Variants in IFT52 observed in about 807,000 individuals in gnomAD.
IFT52 encodes the protein intraflagellar transport 52, also known as intraflagellar transport protein 52 homolog.
IFT52 carries 44 observed loss-of-function variants against 54.4 expected under a neutral mutation model. That is an observed-to-expected ratio of 0.81 (90% CI 0.63 to 1.04). IFT52 has a LOEUF of 1.04. Among genes scored for constraint, IFT52 ranks in the 50% least tolerant of loss-of-function variants. The probability of loss-of-function intolerance (pLI) is 0.00; values close to 1 mark genes in which losing one functional copy is unlikely to be tolerated. For missense variants in IFT52, 452 were observed against 523.6 expected, an observed-to-expected ratio of 0.86 and a Z score of 1.33; for synonymous variants, 181 against 185.3, an observed-to-expected ratio of 0.98 and a Z score of 0.19.
intron 1 of IFT52, among the ~76,000 whole-genome samples, chr20:43,592,488 C>A (rs1981609025): frequency 6.6e-6 from 1 of 150,996 alleles, no homozygotes; most frequent in Non-Finnish European, 1.5e-5. Flanking sequence ...GCACGAGAAT[C>A]TCTTGAATCT....
intron 8 of IFT52, among the ~76,000 whole-genome samples, chr20:43,619,646 A>G (rs1984121133): frequency 6.6e-6 from 1 of 152,008 alleles, no homozygotes; most frequent in Non-Finnish European, 1.5e-5. Context: ...GTAGAGGACT[A>G]CTCACTGACT....
Position 43,603,843 on chromosome 20 carries a change from C to A in IFT52, c.291C>A (p.Thr97=), listed in dbSNP as rs1982644648. The change falls in exon 4 of 14, where the codon ACC becomes ACA. Residue 97 remains threonine, a synonymous_variant. Coordinates refer to ENST00000373030, the MANE Select transcript of IFT52 (RefSeq NM_016004.5). ...LGEGGESRFD[T]NINFLLEEYG... is the part of the protein sequence containing the mutation. ...AAGGTGGAGAATCCAGATTTGACAC[C>A]AATATTAACTTTTTACTAGAAGAAT... 6.5e-7 allele frequency: 1 copy of A among 1,547,662 alleles called. No homozygotes were observed. The highest frequency in any genetic ancestry group is 8.9e-7 in the Non-Finnish European group (1 of 1,123,348).
intron 9 of IFT52, 79 bp downstream of exon 9, chr20:43,621,004 A>C (rs1473683256): frequency 2.0e-6 from 2 of 993,194 alleles, no homozygotes; most frequent in African/African-American, 3.2e-5. Context: ...GCTCAAAAGG[A>C]ATACATGACT....
intron 6 of IFT52, among the ~76,000 whole-genome samples, chr20:43,612,827 C>T (rs978026029): frequency 1.3e-5 from 2 of 152,142 alleles, no homozygotes; most frequent in African/African-American, 4.8e-5. Flanking sequence ...TTCCCCTATA[C>T]CCCCTCCCCC....
In IFT52 at chr20:43,642,694, G is replaced by C. The variant is rs1986004455; in HGVS notation, c.1266+70G>C. ...CTGGTATCTTCCATGGACTGTGCTT[G>C]CCATGTTTTATGACGTTGATTCAGC... On this transcript the variant is annotated intron_variant, in intron 13 of 13. Coordinates refer to ENST00000373030, the MANE Select transcript of IFT52 (RefSeq NM_016004.5). 3.4e-6 allele frequency: 5 copies of C among 1,469,906 alleles called. No individual in the cohort carries two copies. The East Asian group carries it at 1.1e-4, about 34-fold the overall frequency. The allele number at this position is 1,469,906 out of a possible 1,614,324, so 91.1% of individuals were successfully genotyped here.
chr20:43,592,829 G>A lies in IFT52; in HGVS notation c.-7+1775G>A, dbSNP rs190770093. On this transcript the variant is annotated intron_variant, in intron 1 of 13. Coordinates refer to ENST00000373030, the MANE Select transcript of IFT52 (RefSeq NM_016004.5). ...GATCAATTAGAAAATTATGAAACCC[G>A]ACTGGGTGCAGTGGCTCATGCCAGT... Among the ~76,000 whole-genome samples, 123 of 152,288 alleles carry A rather than the reference G, an allele frequency of 8.1e-4. 1 individual carries two copies. The highest frequency in any genetic ancestry group is 2.6e-3 in the African/African-American group (109 of 41,550).
intron 6 of IFT52, among the ~76,000 whole-genome samples, chr20:43,606,376 T>C (rs1380869891): frequency 6.8e-6 from 1 of 147,322 alleles, no homozygotes; most frequent in East Asian, 2.1e-4. Context: ...CAGGTTCAAG[T>C]GGTTCTCCTG....
intron 10 of IFT52, among the ~76,000 whole-genome samples, chr20:43,631,300 T>G (rs1985153402): frequency 6.6e-6 from 1 of 152,226 alleles, no homozygotes; most frequent in Admixed American, 6.5e-5. Context: ...ACATGGCATA[T>G]AGCAGGTGCT....
intron 6 of IFT52, chr20:43,605,286 C>G (rs1246007507): frequency 4.8e-6 from 6 of 1,245,448 alleles, no homozygotes; most frequent in Non-Finnish European, 6.1e-6. Flanking sequence ...TGGCTCACGC[C>G]TGTAATCCTA....
At chr20:43,605,512 A>C (rs1982795751) in intron 6 of IFT52, among the ~76,000 whole-genome samples, 1 of 152,146 alleles carries the variant, frequency 6.6e-6, no homozygotes, top group African/African-American at 2.4e-5. Flanking sequence ...ACGCCACTGC[A>C]CTCCAGCCTG....
At chr20:43,630,759 C>T (rs369687445) in intron 10 of IFT52, among the ~76,000 whole-genome samples, 26 of 152,294 alleles carry the variant, frequency 1.7e-4, no homozygotes, top group African/African-American at 6.0e-4. Flanking sequence ...AGTTCAGCGC[C>T]ATTTCACAGA....
chr20:43,623,312 A>G (rs1984480988), intron 9 of IFT52, among the ~76,000 whole-genome samples: 1 of 151,996 alleles, frequency 6.6e-6, no homozygotes, highest in Non-Finnish European at 1.5e-5. Context: ...AGCCTCCTAA[A>G]TAGCTGAGAC....
At chr20:43,645,863 TAAA>T (rs1166311677) in intron 13 of IFT52, among the ~76,000 whole-genome samples, 1 of 41,460 alleles carries the variant, frequency 2.4e-5, no homozygotes, top group Admixed American at 3.0e-4. Flanking sequence ...AGACCCTGTT[TAAA>T]AAAAAAAAAA....
intron 12 of IFT52, among the ~76,000 whole-genome samples, chr20:43,639,643 C>T (rs1406162993): frequency 6.6e-6 from 1 of 152,104 alleles, no homozygotes; most frequent in Non-Finnish European, 1.5e-5. Context: ...GCACTCCAGC[C>T]TGGGCAACAA....
chr20:43,628,243 A>G (rs145483767), intron 10 of IFT52, among the ~76,000 whole-genome samples: 118 of 152,150 alleles, frequency 7.8e-4, no homozygotes, highest in African/African-American at 2.6e-3. Context: ...CTTAGCTTTT[A>G]GACAGAATCA....
At chr20:43,592,027 A>G (rs909369898) in intron 1 of IFT52, among the ~76,000 whole-genome samples, 1 of 152,204 alleles carries the variant, frequency 6.6e-6, no homozygotes, top group African/African-American at 2.4e-5. Flanking sequence ...GAAGAGATGA[A>G]TTGGGGTCAG....
chr20:43,608,190 G>A (rs1983128522), intron 6 of IFT52, among the ~76,000 whole-genome samples: 2 of 152,166 alleles, frequency 1.3e-5, no homozygotes, highest in African/African-American at 4.8e-5. Context: ...GGGAGAGGGA[G>A]TGGGAGTATT....
In IFT52 at chr20:43,630,837, G is replaced by A. The variant is rs80282404; in HGVS notation, c.924-5089G>A. The stretch of plus-strand genomic sequence containing the variant: ...ATGAGTTTCTCCAGTCCCTTACCCG[G>A]TTCCCATCAAGCCATGTTGGCTAAT... On this transcript the variant is annotated intron_variant, in intron 10 of 13. Transcript: ENST00000373030. 7.2e-3 allele frequency among the ~76,000 whole-genome samples: 1,101 copies of A among 152,282 alleles called. 9 individuals carry two copies. The highest frequency in any genetic ancestry group is 0.025 in the African/African-American group (1,042 of 41,554).
chr20:43,634,500 T>C (rs887553075), intron 10 of IFT52, among the ~76,000 whole-genome samples: 2 of 152,186 alleles, frequency 1.3e-5, no homozygotes, highest in Non-Finnish European at 2.9e-5. Context: ...CATTAAAATA[T>C]TTCATTGAAA....
Sources: gnomAD v4.1 joint callset for allele counts (sites outside exome capture counted in the v4.1 genomes callset) on GRCh38, gnomAD v4.1.1 for gene constraint, MANE v1.5 for transcripts, NCBI Gene and HGNC (gene_info 2026-07-23, HGNC 2026-07-21) for gene names.